The following CELF2 variants were observed in gnomAD, a reference collection of about 807,000 sequenced individuals.
CELF2 encodes CUGBP Elav-like family member 2, also known as CUG triplet repeat RNA-binding protein 2.
In CELF2, 8 loss-of-function variants were observed where a neutral mutation model predicts 62.6. The observed-to-expected ratio is 0.13, with a 90% CI of 0.07 to 0.23. The LOEUF is 0.23. Ranked by LOEUF, CELF2 falls within the 10% of genes least tolerant of loss-of-function variation. CELF2 has a pLI of 1.00. For missense variants in CELF2, 333 were observed against 671.0 expected (o/e 0.50, Z 5.56); for synonymous variants, 258 against 250.0 (o/e 1.03, Z -0.30).
chr10:10,574,872 GTTTTTTTTTTTT>G, the CELF2 span, among the ~76,000 whole-genome samples: 13 of 105,978 alleles, frequency 1.2e-4, no homozygotes, highest in South Asian at 3.2e-4. Flanking sequence ...ACCATGCCTG[GTTTTTTTTTTTT>G]TTTTTTTTTT....
intron 4 of CELF2, among the ~76,000 whole-genome samples, chr10:11,257,387 C>T (rs2079129738): frequency 1.3e-5 from 2 of 150,428 alleles, no homozygotes; most frequent in African/African-American, 4.9e-5. Context: ...AAAATATCCC[C>T]AGAGAATGGT....
At chr10:10,752,764 AT>A in the CELF2 span, among the ~76,000 whole-genome samples, 1 of 147,758 alleles carries the variant, frequency 6.8e-6, no homozygotes, top group Non-Finnish European at 1.5e-5. Flanking sequence ...AGGCAAAATA[AT>A]TTACTGGTAT....
At chr10:10,547,692 A>AGAGAGAGAGTGTGTGTGT in the CELF2 span, among the ~76,000 whole-genome samples, 6 of 138,110 alleles carry the variant, frequency 4.3e-5, no homozygotes, top group African/African-American at 1.7e-4. Context: ...AGAGAGAGAG[A>AGAGAGAGAGTGTGTGTGT]GTGTGTGTGT....
chr10:10,771,754 T>G, the CELF2 span, among the ~76,000 whole-genome samples: 1 of 152,194 alleles, frequency 6.6e-6, no homozygotes, highest in Non-Finnish European at 1.5e-5. Context: ...CCCAGCCAAG[T>G]GGAAACTATA....
rs2057547657 is a variant in CELF2, at chr10:11,018,014, C to T, written c.-76C>T. ...GAGGCCGCGCGCACCTGTCCCTGCCCGTCTCGCGCCGCCCGCGGCCGCTCG... is the reference window on the plus strand; with the variant it reads ...GAGGCCGCGCGCACCTGTCCCTGCCTGTCTCGCGCCGCCCGCGGCCGCTCG... On this transcript the variant is annotated 5_prime_UTR_variant, in exon 1 of 13. Transcript: ENST00000633077. 7 of 1,060,702 alleles carry T rather than the reference C, an allele frequency of 6.6e-6. No individual in the cohort carries two copies. The highest frequency in any genetic ancestry group is 7.9e-6 in the Non-Finnish European group (7 of 882,120). The allele number at this position is 1,060,702 out of a possible 1,614,324, so 65.7% of individuals were successfully genotyped here. A position where few individuals can be genotyped will look rare whatever the true frequency, so the allele number is the denominator to read the frequency against.
At chr10:11,274,186 G>A (rs1030815131) in intron 7 of CELF2, among the ~76,000 whole-genome samples, 1 of 152,174 alleles carries the variant, frequency 6.6e-6, no homozygotes, top group African/African-American at 2.4e-5. Flanking sequence ...TGCCCACACT[G>A]CTAACTGCAT....
chr10:11,170,428 A>G (rs1395402536), intron 2 of CELF2, among the ~76,000 whole-genome samples: 1 of 152,098 alleles, frequency 6.6e-6, no homozygotes, highest in Admixed American at 6.6e-5. Context: ...AAGAGTGGTA[A>G]AACTGTTGAA....
chr10:10,523,219 A>C, the CELF2 span, among the ~76,000 whole-genome samples: 8 of 152,190 alleles, frequency 5.3e-5, no homozygotes, highest in African/African-American at 1.9e-4. Flanking sequence ...AGCTCCACAC[A>C]GTGACTTCAA....
intron 1 of CELF2, among the ~76,000 whole-genome samples, chr10:11,052,308 A>G (rs2064106286): frequency 6.6e-6 from 1 of 152,242 alleles, no homozygotes; most frequent in Non-Finnish European, 1.5e-5. Flanking sequence ...GACAACCAGT[A>G]GAGATCATTA....
intron 2 of CELF2, among the ~76,000 whole-genome samples, chr10:10,925,362 C>T (rs1268049963): frequency 6.6e-6 from 1 of 151,986 alleles, no homozygotes; most frequent in Non-Finnish European, 1.5e-5. Flanking sequence ...CACAGTTCAT[C>T]CTCTATCGTT....
chr10:11,271,105 C>T (rs1052405957), intron 7 of CELF2, among the ~76,000 whole-genome samples: 2 of 152,232 alleles, frequency 1.3e-5, no homozygotes, highest in Admixed American at 6.5e-5. Flanking sequence ...AGACATGCAG[C>T]TGATGATGTA....
chr10:10,475,667 CA>C, the CELF2 span, among the ~76,000 whole-genome samples: 1 of 151,930 alleles, frequency 6.6e-6, no homozygotes, highest in African/African-American at 2.4e-5. Flanking sequence ...CAATTGTGCT[CA>C]ATATACGTTG....
chr10:10,596,415 T>C, the CELF2 span, among the ~76,000 whole-genome samples: 10 of 152,342 alleles, frequency 6.6e-5, no homozygotes, highest in African/African-American at 2.4e-4. Flanking sequence ...GAATTGCACA[T>C]GTGGCTTGGT....
intron 9 of CELF2, among the ~76,000 whole-genome samples, chr10:11,301,982 CCCT>C (rs2093804261): frequency 6.6e-6 from 1 of 152,184 alleles, no homozygotes; most frequent in African/African-American, 2.4e-5. Flanking sequence ...AACCGCCTGC[CCCT>C]CCTCCGCTCA....
chr10:11,044,185 G>A (rs568060387), intron 1 of CELF2, among the ~76,000 whole-genome samples: 8 of 152,128 alleles, frequency 5.3e-5, no homozygotes, highest in East Asian at 3.9e-4. Context: ...CCCCTTCATC[G>A]CATTTTTTAC....
At chr10:10,496,496 T>A in the CELF2 span, among the ~76,000 whole-genome samples, 4 of 152,166 alleles carry the variant, frequency 2.6e-5, no homozygotes, top group African/African-American at 9.7e-5. Flanking sequence ...AGCCCTAGTA[T>A]GGAACCTGGC....
the CELF2 span, among the ~76,000 whole-genome samples, chr10:10,657,459 CTTTAAAT>C: frequency 6.6e-6 from 1 of 152,162 alleles, no homozygotes; most frequent in African/African-American, 2.4e-5. Context: ...CAGCCCAGTA[CTTTAAAT>C]GCGTGAGTTA....
chr10:10,857,166 T>A (rs2059764411), intron 1 of CELF2, among the ~76,000 whole-genome samples: 1 of 152,090 alleles, frequency 6.6e-6, no homozygotes, highest in African/African-American at 2.4e-5. Flanking sequence ...CTCCAGAAAT[T>A]TATGACATTG....
the CELF2 span, among the ~76,000 whole-genome samples, chr10:10,598,315 A>T: frequency 6.6e-6 from 1 of 152,148 alleles, no homozygotes; most frequent in Admixed American, 6.5e-5. Context: ...CCCTTGATAG[A>T]CGTCTGTCAG....
Sources: gnomAD v4.1 joint callset for allele counts (sites outside exome capture counted in the v4.1 genomes callset) on GRCh38, gnomAD v4.1.1 for gene constraint, MANE v1.5 for transcripts, NCBI Gene and HGNC (gene_info 2026-07-23, HGNC 2026-07-21) for gene names.